The following SHROOM4 variants were observed in gnomAD, a reference collection of about 807,000 sequenced individuals.
The protein encoded by SHROOM4 is protein Shroom4.
A neutral mutation model predicts 80.3 loss-of-function variants in SHROOM4; 17 were observed. That is an observed-to-expected ratio of 0.21 (90% CI 0.14 to 0.32). SHROOM4 has a LOEUF of 0.32. Ranked by LOEUF, SHROOM4 falls within the 10% of genes least tolerant of loss-of-function variation. SHROOM4 has a pLI of 1.00. For synonymous variants in SHROOM4, 400 were observed against 437.5 expected (o/e 0.91, Z 1.07); for missense variants, 993 against 1,140.3 (o/e 0.87, Z 1.86).
chrX:50,708,258 C>G (rs782285900), intron 1 of SHROOM4, among the ~76,000 whole-genome samples: 11 of 112,311 alleles, frequency 9.8e-5, no homozygotes, highest in Non-Finnish European at 1.9e-4. Context: ...TGGGTCCAAA[C>G]TCTTTCATCA....
chrX:50,624,674 G>A (rs1930724956), intron 5 of SHROOM4, among the ~76,000 whole-genome samples: 1 of 100,010 alleles, frequency 1.0e-5, no homozygotes, highest in African/African-American at 3.7e-5. Context: ...ATGCGGTCAT[G>A]TGATCACAGC....
At chrX:50,712,389 T>C (rs1253914457) in intron 1 of SHROOM4, among the ~76,000 whole-genome samples, 3 of 111,647 alleles carry the variant, frequency 2.7e-5, no homozygotes, top group Non-Finnish European at 3.8e-5. Flanking sequence ...ACGGAGACTA[T>C]AGTAAATAGT....
intron 1 of SHROOM4, among the ~76,000 whole-genome samples, chrX:50,706,076 C>T (rs1933668008): frequency 9.2e-6 from 1 of 108,667 alleles, no homozygotes; most frequent in Non-Finnish European, 1.9e-5. Flanking sequence ...AGGTCAAGCC[C>T]ATCCCTATCT....
At chrX:50,757,305 A>G (rs781922204) in intron 1 of SHROOM4, among the ~76,000 whole-genome samples, 1 of 112,232 alleles carries the variant, frequency 8.9e-6, no homozygotes, top group African/African-American at 3.2e-5. Context: ...TCACACATGT[A>G]AAGGCTTATT....
At chrX:50,759,530 C>T (rs1372972971) in intron 1 of SHROOM4, among the ~76,000 whole-genome samples, 2 of 111,996 alleles carry the variant, frequency 1.8e-5, no homozygotes, top group Non-Finnish European at 3.8e-5. Flanking sequence ...ATTTTCTATG[C>T]TGTTTTTCTG....
intron 1 of SHROOM4, among the ~76,000 whole-genome samples, chrX:50,763,432 T>A (rs1344826481): frequency 9.0e-6 from 1 of 111,446 alleles, no homozygotes; most frequent in African/African-American, 3.3e-5. Context: ...GTCACACTAT[T>A]CTGTTTCTTT....
chrX:50,658,280 T>C (rs1460445647), intron 2 of SHROOM4, among the ~76,000 whole-genome samples: 5 of 111,552 alleles, frequency 4.5e-5, no homozygotes, highest in Non-Finnish European at 9.4e-5. Flanking sequence ...CTGGTGCTGG[T>C]GACAGGTGAC....
At chrX:50,704,813 C>A (rs972587907) in intron 1 of SHROOM4, among the ~76,000 whole-genome samples, 3 of 110,903 alleles carry the variant, frequency 2.7e-5, no homozygotes, top group Non-Finnish European at 5.7e-5. Context: ...CGGAGGTGGG[C>A]ACCTGCATGC....
At chrX:50,700,157 A>G (rs1055845453) in intron 1 of SHROOM4, among the ~76,000 whole-genome samples, 2 of 112,290 alleles carry the variant, frequency 1.8e-5, no homozygotes, top group Non-Finnish European at 3.8e-5. Context: ...CAGCTTGTCT[A>G]TCATCTAAAG....
chrX:50,713,648 T>A (rs1557264584), intron 1 of SHROOM4, among the ~76,000 whole-genome samples: 1 of 111,674 alleles, frequency 9.0e-6, no homozygotes, highest in Non-Finnish European at 1.9e-5. Flanking sequence ...AAAATAAATT[T>A]AAAAATAACC....
At chrX:50,810,505 T>C (rs1936308702) in intron 1 of SHROOM4, among the ~76,000 whole-genome samples, 1 of 111,459 alleles carries the variant, frequency 9.0e-6, no homozygotes, top group Admixed American at 9.6e-5. Flanking sequence ...TTTTCCACCA[T>C]GCTTCCTGCA....
At chrX:50,713,762 C>T (rs1456036770) in intron 1 of SHROOM4, among the ~76,000 whole-genome samples, 1 of 112,246 alleles carries the variant, frequency 8.9e-6, no homozygotes, top group Non-Finnish European at 1.9e-5. Flanking sequence ...TTCCATTCAA[C>T]GTGTTGTCTC....
chrX:50,762,676 T>C (rs1935185104), intron 1 of SHROOM4, among the ~76,000 whole-genome samples: 2 of 112,133 alleles, frequency 1.8e-5, no homozygotes, highest in African/African-American at 6.5e-5. Flanking sequence ...GGATTCTTGG[T>C]TGATATCTTT....
Position 50,587,718 on chromosome X carries a change from A to G in SHROOM4, c.*8977T>C, listed in dbSNP as rs189500313. Among the ~76,000 whole-genome samples the G allele has an allele frequency of 8.9e-6, 1 of 112,381 alleles. No homozygotes were observed. The highest frequency in any genetic ancestry group is 3.2e-5 in the African/African-American group (1 of 30,990). On this transcript the variant is annotated 3_prime_UTR_variant, in exon 9 of 9. Coordinates refer to ENST00000376020, the MANE Select transcript of SHROOM4 (RefSeq NM_020717.5). ...ATCTTGTCCACTTCTGAATCCCTGA[A>G]GCACAAAACAAATTATTGGCACATT... is the stretch of plus-strand genomic sequence containing the variant.
chrX:50,767,797 A>T (rs781954045), intron 1 of SHROOM4, among the ~76,000 whole-genome samples: 1 of 111,837 alleles, frequency 8.9e-6, no homozygotes, highest in Non-Finnish European at 1.9e-5. Context: ...ATATTTTCAT[A>T]TGGAAACATG....
chrX:50,787,493 T>C (rs782540054), intron 1 of SHROOM4, among the ~76,000 whole-genome samples: 5 of 111,076 alleles, frequency 4.5e-5, no homozygotes, highest in Non-Finnish European at 7.5e-5. Context: ...CCAAAAAGCT[T>C]ATTCAAATAA....
rs190212230 is a variant in SHROOM4 at position 50,689,254 on chromosome X, C to T, written c.269+6532G>A. ...TGGAAGTGAAAGAATAACCTGGAGGCTGATAAATGACATTGGTAAGGAAAT... is the reference window on the plus strand; with the variant it reads ...TGGAAGTGAAAGAATAACCTGGAGGTTGATAAATGACATTGGTAAGGAAAT... On this transcript the variant is annotated intron_variant, in intron 2 of 8. Transcript: ENST00000376020. Among the ~76,000 whole-genome samples, 14 of 111,274 alleles carry T rather than the reference C, an allele frequency of 1.3e-4. No homozygotes were observed. The East Asian group carries it at 3.7e-3, about 29-fold the overall frequency.
intron 2 of SHROOM4, 73 bp downstream of exon 2, chrX:50,695,713 A>C: frequency 9.5e-7 from 1 of 1,052,047 alleles, no homozygotes; most frequent in Admixed American, 2.2e-5. Context: ...TAGAGACATG[A>C]CTCTATTGAG....
At chrX:50,730,590 A>T (rs887387544) in intron 1 of SHROOM4, among the ~76,000 whole-genome samples, 21 of 110,790 alleles carry the variant, frequency 1.9e-4, no homozygotes, top group African/African-American at 5.9e-4. Context: ...AGCCTGGCCA[A>T]CATGGCAAAA....
Sources: allele counts gnomAD v4.1 joint callset (sites outside exome capture counted in the v4.1 genomes callset), GRCh38; gene constraint gnomAD v4.1.1; transcripts MANE v1.5; gene names NCBI Gene and HGNC (gene_info 2026-07-23, HGNC 2026-07-21).